The following TTLL5 variants were observed in gnomAD, a reference collection of about 807,000 sequenced individuals.
The protein encoded by TTLL5 is tubulin tyrosine ligase like 5, also known as tubulin polyglutamylase TTLL5.
A neutral mutation model predicts 168.4 loss-of-function variants in TTLL5; 132 were observed. The ratio of observed to expected loss-of-function variants is 0.78; its 90% CI spans 0.68 to 0.91. The LOEUF is 0.91. Among genes scored for constraint, TTLL5 ranks in the 40% least tolerant of loss-of-function variants. The pLI, the probability that TTLL5 is intolerant of heterozygous loss-of-function variation, is 0.00. For synonymous variants in TTLL5, 546 were observed against 558.6 expected (o/e 0.98, Z 0.32); for missense variants, 1,545 against 1,581.5 (o/e 0.98, Z 0.39).
chr14:75,928,855 C>T (rs1054204939), intron 31 of TTLL5, among the ~76,000 whole-genome samples: 1 of 152,150 alleles, frequency 6.6e-6, no homozygotes, highest in Non-Finnish European at 1.5e-5. Context: ...CCTGCTATTT[C>T]ATTTCCCTTG....
chr14:75,717,089 A>AT lies in TTLL5; in HGVS notation c.741-762dup, dbSNP rs552662470. ...GTGCTGTCATTTTTTCTTTTTGCTT[A>AT]TTTTTTTTTTCATTGAATGCTATAG... is the stretch of plus-strand genomic sequence containing the variant. On this transcript the variant is annotated intron_variant, in intron 9 of 31. Transcript: ENST00000298832. Among the ~76,000 whole-genome samples the AT allele has an allele frequency of 7.0e-4, 103 of 147,254 alleles. 1 individual carries two copies. In the South Asian group the frequency reaches 0.016, roughly 23 times the overall value.
In TTLL5 at chr14:75,756,148, A is replaced by G. The variant is rs569837484; in HGVS notation, c.1550+3193A>G. Among the ~76,000 whole-genome samples, 481 of 152,330 alleles carry G rather than the reference A, an allele frequency of 3.2e-3. 3 individuals carry two copies. The highest frequency in any genetic ancestry group is 0.014 in the Middle Eastern group (4 of 294). On this transcript the variant is annotated intron_variant, in intron 18 of 31. Transcript: ENST00000298832. Reference sequence around the variant, plus strand: ...CTGATGATTACCTGACAATATCAGGACATTAACATGGATAGAAAACATGGG... The same window carrying G: ...CTGATGATTACCTGACAATATCAGGGCATTAACATGGATAGAAAACATGGG...
intron 17 of TTLL5, among the ~76,000 whole-genome samples, 156 bp from the exon 18 acceptor site, chr14:75,752,736 CA>C (rs1268803916): frequency 2.0e-5 from 3 of 152,106 alleles, no homozygotes; most frequent in Non-Finnish European, 2.9e-5. Flanking sequence ...TAAATTTGAG[CA>C]ACTGTCTTTT....
chr14:75,895,527 T>TAA (rs200312162), intron 30 of TTLL5, among the ~76,000 whole-genome samples: 1 of 151,928 alleles, frequency 6.6e-6, no homozygotes, highest in Non-Finnish European at 1.5e-5. Flanking sequence ...GGTTTTTTTT[T>TAA]AAAAAAAATC....
rs200095377 is a variant in TTLL5 at position 75,766,072 on chromosome 14, A to T, written c.1719A>T (p.Gln573His). ...AMRPKYPVITQPAEMNVKTET... is the reference protein window; with the variant it reads ...AMRPKYPVITHPAEMNVKTET... ...ATTCTTCGTATTTAGTGATTACCCA[A>T]CCAGCTGAAATGAATGTTAAAACTG... Residue 573 changes from glutamine (Q) to histidine (H), a missense_variant, in exon 20 of 32, where the codon CAA becomes CAT. By Grantham distance (24) the Gln-to-His change is conservative. Transcript: ENST00000298832. 6.2e-7 allele frequency: 1 copy of T among 1,610,880 alleles called. No homozygotes were observed. The highest frequency in any genetic ancestry group is 8.5e-7 in the Non-Finnish European group (1 of 1,178,578).
At chr14:75,762,611 A>G (rs1357569936) in intron 18 of TTLL5, among the ~76,000 whole-genome samples, 3 of 152,100 alleles carry the variant, frequency 2.0e-5, no homozygotes, top group Non-Finnish European at 4.4e-5. Flanking sequence ...GGCTTATCAG[A>G]TTCATATTTT....
intron 28 of TTLL5, among the ~76,000 whole-genome samples, chr14:75,848,108 T>C (rs1445434491): frequency 2.6e-5 from 4 of 151,964 alleles, no homozygotes; most frequent in Non-Finnish European, 5.9e-5. Context: ...CCTATTTCCC[T>C]TGGCCAACTG....
intron 27 of TTLL5, among the ~76,000 whole-genome samples, chr14:75,819,122 A>T (rs1468609990): frequency 6.6e-6 from 1 of 152,216 alleles, no homozygotes; most frequent in Non-Finnish European, 1.5e-5. Flanking sequence ...TCATTTACAC[A>T]TAGCTTGGCA....
Position 75,665,191 on chromosome 14 carries a change from A to G in TTLL5, c.74+1968A>G, listed in dbSNP as rs558183435. 1.1e-4 allele frequency among the ~76,000 whole-genome samples: 17 copies of G among 152,388 alleles called. No homozygotes were observed. The East Asian group carries it at 2.9e-3, about 26-fold the overall frequency. ...CATTCAAATGCAGTTATTAAAACAC[A>G]TTTGTAACATAGTAATATGTGCTGT... is the stretch of plus-strand genomic sequence containing the variant. On this transcript the variant is annotated intron_variant, in intron 2 of 31. Coordinates refer to ENST00000298832, the MANE Select transcript of TTLL5 (RefSeq NM_015072.5).
intron 28 of TTLL5, among the ~76,000 whole-genome samples, chr14:75,860,760 T>C (rs2029911296): frequency 6.6e-6 from 1 of 152,146 alleles, no homozygotes; most frequent in Non-Finnish European, 1.5e-5. Context: ...CACAGCTCAC[T>C]CCGTTCCTTT....
At position 75,745,545 on chromosome 14, in the gene TTLL5, G is replaced by A. The variant is rs746377581; in HGVS notation, c.1451G>A (p.Arg484His). 1.2e-5 allele frequency: 19 copies of A among 1,613,404 alleles called. No individual in the cohort carries two copies. Among genetic ancestry groups the A allele is most frequent in the South Asian group, 1.1e-4 (10 of 91,052 alleles). Residue 484 changes from arginine (R) to histidine (H), a missense_variant, in exon 17 of 32, where the codon CGC (arginine) becomes CAC (histidine). Transcript: ENST00000298832. ...AATGATCGGCGAGGTGGATTTATTC[G>A]CATATTTCCTACATCTGAGACATGG... ...EENDRRGGFI[R>H]IFPTSETWEI...
intron 29 of TTLL5, among the ~76,000 whole-genome samples, chr14:75,875,467 T>C (rs922613355): frequency 6.6e-6 from 1 of 150,608 alleles, no homozygotes. Flanking sequence ...GAGAATTGCT[T>C]GGAGTCGGAG....
At chr14:75,710,647 C>G (rs1887010605) in intron 9 of TTLL5, 2 of 152,206 alleles carry the variant, frequency 1.3e-5, no homozygotes, top group South Asian at 2.1e-4. Flanking sequence ...GCACATTGTT[C>G]CGTGCAGTAA....
rs140291071 is a variant in TTLL5 at position 75,783,514 on chromosome 14, C to T, written c.2970C>T (p.Pro990=). Residue 990 remains proline (P), a synonymous_variant, in exon 26 of 32, where the codon CCC becomes CCT. Transcript: ENST00000298832. The part of the protein sequence containing the change: ...AHIYSQKLSR[P]SSAKAGSCYL... ...TCTATAGCCAGAAACTGTCTCGTCC[C>T]TCTTCAGCAAAGGCAGGTGAGTGAG... is the stretch of plus-strand genomic sequence containing the variant. The T allele has an allele frequency of 1.2e-6, 2 of 1,613,498 alleles. No individual in the cohort carries two copies. The highest frequency in any genetic ancestry group is 2.2e-5 in the East Asian group (1 of 44,880).
chr14:75,681,375 A>G (rs1884599400), intron 3 of TTLL5, among the ~76,000 whole-genome samples, 170 bp from the exon 4 acceptor site: 1 of 152,224 alleles, frequency 6.6e-6, no homozygotes, highest in African/African-American at 2.4e-5. Context: ...AATGACCTCC[A>G]AAGAGTCTCA....
At chr14:75,819,366 A>G (rs553005266) in intron 27 of TTLL5, among the ~76,000 whole-genome samples, 5 of 152,336 alleles carry the variant, frequency 3.3e-5, no homozygotes, top group Middle Eastern at 3.4e-3. Flanking sequence ...TGTGGATACT[A>G]TCTTTAAATA....
chr14:75,755,680 G>A (rs769828243), intron 18 of TTLL5, among the ~76,000 whole-genome samples: 1 of 152,010 alleles, frequency 6.6e-6, no homozygotes, highest in Non-Finnish European at 1.5e-5. Flanking sequence ...CACACACACG[G>A]AAACATGCAT....
At chr14:75,837,049 G>A (rs1249003096) in intron 28 of TTLL5, 3 of 152,202 alleles carry the variant, frequency 2.0e-5, no homozygotes, top group African/African-American at 7.2e-5. Context: ...GTAGGTTTCT[G>A]TAAGAATTGA....
At chr14:75,762,018 T>C (rs1890678337) in intron 18 of TTLL5, among the ~76,000 whole-genome samples, 1 of 152,108 alleles carries the variant, frequency 6.6e-6, no homozygotes, top group Non-Finnish European at 1.5e-5. Flanking sequence ...TATAGTAAAA[T>C]GTTAATTGTA....
Sources: allele counts gnomAD v4.1 joint callset (sites outside exome capture counted in the v4.1 genomes callset), GRCh38; gene constraint gnomAD v4.1.1; transcripts MANE v1.5; gene names NCBI Gene and HGNC (gene_info 2026-07-23, HGNC 2026-07-21).